Variants in SLIT3 observed in about 807,000 individuals in gnomAD.
SLIT3 encodes slit homolog 3 protein.
A neutral mutation model predicts 184.0 loss-of-function variants in SLIT3; 68 were observed. That is an observed-to-expected ratio of 0.37 (90% CI 0.30 to 0.45). The LOEUF (loss-of-function observed/expected upper bound fraction) is 0.45, where lower values mean the gene tolerates loss of function less well. SLIT3 is among the 20% of genes least tolerant of loss of function. SLIT3 has a pLI of 1.00. For synonymous variants in SLIT3, 831 were observed against 828.6 expected (o/e 1.00, Z -0.05); for missense variants, 1,707 against 2,026.0 (o/e 0.84, Z 3.02).
intron 28 of SLIT3, among the ~76,000 whole-genome samples, chr5:168,694,409 G>A (rs966210082): frequency 1.6e-4 from 24 of 152,114 alleles, no homozygotes; most frequent in Non-Finnish European, 1.8e-4. Flanking sequence ...GTGGGCTGAG[G>A]GCATACCTTA....
chr5:168,682,327 C>T (rs1761615382), intron 32 of SLIT3, among the ~76,000 whole-genome samples: 1 of 152,218 alleles, frequency 6.6e-6, no homozygotes, highest in South Asian at 2.1e-4. Flanking sequence ...TCCCTTTCTT[C>T]AAGGCCCAAC....
chr5:169,085,782 T>A (rs1759269410), intron 4 of SLIT3, among the ~76,000 whole-genome samples: 1 of 152,108 alleles, frequency 6.6e-6, no homozygotes, highest in Non-Finnish European at 1.5e-5. Context: ...GGTCCATGAG[T>A]TCGTGAAAAT....
chr5:168,946,211 T>C (rs972357554), intron 4 of SLIT3, among the ~76,000 whole-genome samples: 14 of 152,302 alleles, frequency 9.2e-5, no homozygotes, highest in Admixed American at 7.8e-4. Context: ...CTCTTTCTTA[T>C]GGCTGCTGAT....
chr5:168,843,736 G>C (rs958912139), intron 6 of SLIT3, among the ~76,000 whole-genome samples: 5 of 152,182 alleles, frequency 3.3e-5, no homozygotes, highest in African/African-American at 9.7e-5. Flanking sequence ...CTAAATCAGG[G>C]ACAGCTAGAA....
At chr5:169,009,322 G>A (rs1295215077) in intron 4 of SLIT3, among the ~76,000 whole-genome samples, 2 of 152,200 alleles carry the variant, frequency 1.3e-5, no homozygotes, top group East Asian at 3.8e-4. Context: ...TAACTTGGGT[G>A]AGTCAGCAGA....
chr5:168,764,794 C>T (rs986177668), intron 14 of SLIT3, among the ~76,000 whole-genome samples: 1 of 152,158 alleles, frequency 6.6e-6, no homozygotes. Context: ...GTGCACGTAT[C>T]CCCACAGTTA....
chr5:169,032,263 T>G (rs928381391), intron 4 of SLIT3, among the ~76,000 whole-genome samples: 2 of 152,184 alleles, frequency 1.3e-5, no homozygotes, highest in African/African-American at 4.8e-5. Flanking sequence ...TGAGTAAATA[T>G]GAAAGAACAT....
At chr5:168,828,438 C>T (rs1434500191) in intron 6 of SLIT3, among the ~76,000 whole-genome samples, 1 of 151,254 alleles carries the variant, frequency 6.6e-6, no homozygotes, top group Non-Finnish European at 1.5e-5. Context: ...TGAGACCAGC[C>T]TGGGCAACAT....
chr5:169,184,870 T>G (rs1487065431), intron 4 of SLIT3, among the ~76,000 whole-genome samples: 2 of 152,190 alleles, frequency 1.3e-5, no homozygotes, highest in African/African-American at 4.8e-5. Context: ...GATCCTTAGG[T>G]GTTCAGATAC....
At chr5:169,004,867 T>A (rs935080941) in intron 4 of SLIT3, among the ~76,000 whole-genome samples, 4 of 152,120 alleles carry the variant, frequency 2.6e-5, no homozygotes, top group Non-Finnish European at 5.9e-5. Context: ...CTCCCCAGAA[T>A]CTGATCATGC....
chr5:169,269,414 T>C (rs1178930823), intron 1 of SLIT3, among the ~76,000 whole-genome samples: 1 of 152,228 alleles, frequency 6.6e-6, no homozygotes, highest in East Asian at 1.9e-4. Flanking sequence ...GGCCTCAAAC[T>C]AATGCCCCAG....
intron 5 of SLIT3, among the ~76,000 whole-genome samples, chr5:168,852,032 T>C (rs1283742943): frequency 6.6e-6 from 1 of 152,196 alleles, no homozygotes; most frequent in Non-Finnish European, 1.5e-5. Context: ...TAGAATTTCT[T>C]TGTAAGAAGT....
At chr5:169,137,593 G>A (rs1305102639) in intron 4 of SLIT3, among the ~76,000 whole-genome samples, 5 of 151,774 alleles carry the variant, frequency 3.3e-5, no homozygotes, top group African/African-American at 1.2e-4. Context: ...TCCCCCAAAT[G>A]GCCACTTGCT....
chr5:169,203,782 A>C (rs974649219), intron 3 of SLIT3, among the ~76,000 whole-genome samples: 3 of 152,060 alleles, frequency 2.0e-5, no homozygotes, highest in Non-Finnish European at 4.4e-5. Context: ...AGAAAAGGGG[A>C]GTCAAGGATG....
At chr5:168,759,370 T>C (rs1430396285) in intron 16 of SLIT3, among the ~76,000 whole-genome samples, 1 of 152,212 alleles carries the variant, frequency 6.6e-6, no homozygotes, top group Non-Finnish European at 1.5e-5. Context: ...GGCTGATCCA[T>C]AATGTTGAAC....
At chr5:168,881,961 C>T (rs1759971484) in intron 5 of SLIT3, among the ~76,000 whole-genome samples, 1 of 152,196 alleles carries the variant, frequency 6.6e-6, no homozygotes, top group Admixed American at 6.5e-5. Context: ...CCCTGAGCCC[C>T]TTGCGAAGTC....
At chr5:168,892,483 G>A (rs575725570) in intron 4 of SLIT3, among the ~76,000 whole-genome samples, 2 of 152,330 alleles carry the variant, frequency 1.3e-5, no homozygotes, top group Non-Finnish European at 2.9e-5. Context: ...TAAGGAGCCC[G>A]ATACAAGACT....
chr5:169,225,420 A>G (rs926339521), intron 3 of SLIT3, among the ~76,000 whole-genome samples: 3 of 152,222 alleles, frequency 2.0e-5, no homozygotes, highest in African/African-American at 4.8e-5. Flanking sequence ...TGGGATTCCA[A>G]AGCAGGACGC....
intron 1 of SLIT3, among the ~76,000 whole-genome samples, chr5:169,256,893 G>A (rs568901205): frequency 5.3e-5 from 8 of 152,222 alleles, no homozygotes; most frequent in Non-Finnish European, 1.0e-4. Flanking sequence ...CCTCCAAGTA[G>A]GGCTTAGGAT....
Sources: allele counts gnomAD v4.1 joint callset (sites outside exome capture counted in the v4.1 genomes callset), GRCh38; gene constraint gnomAD v4.1.1; transcripts MANE v1.5; gene names NCBI Gene and HGNC (gene_info 2026-07-23, HGNC 2026-07-21).